Variants in DYNC2H1 observed in about 807,000 individuals in gnomAD.
The protein encoded by DYNC2H1 is cytoplasmic dynein 2 heavy chain 1.
Under a neutral mutation model 570.0 loss-of-function variants are expected in DYNC2H1, and 410 were observed. The observed-to-expected ratio is 0.72, with a 90% confidence interval of 0.66 to 0.78. The LOEUF is 0.78. Among genes scored for constraint, DYNC2H1 ranks in the 30% least tolerant of loss-of-function variants. The pLI is 0.00. For missense variants in DYNC2H1, 4,865 were observed against 5,046.4 expected (o/e 0.96, Z 1.09); for synonymous variants, 1,688 against 1,677.6 (o/e 1.01, Z -0.15).
At chr11:103,173,632 T>C (rs1336675522) in intron 35 of DYNC2H1, among the ~76,000 whole-genome samples, 1 of 152,136 alleles carries the variant, frequency 6.6e-6, no homozygotes, top group Non-Finnish European at 1.5e-5. Context: ...GAAAGAATCC[T>C]TCACAATTTT....
chr11:103,150,966 C>T (rs1860503693), intron 20 of DYNC2H1, among the ~76,000 whole-genome samples: 1 of 152,170 alleles, frequency 6.6e-6, no homozygotes, highest in Non-Finnish European at 1.5e-5. Context: ...ATCTCATATT[C>T]TGTGGGCACT....
At chr11:103,200,357 TTG>T (rs1480679801) in intron 50 of DYNC2H1, among the ~76,000 whole-genome samples, 11 of 152,168 alleles carry the variant, frequency 7.2e-5, no homozygotes, top group African/African-American at 2.7e-4. Context: ...CATATAAAAA[TTG>T]TTAATATTGA....
chr11:103,271,636 T>C (rs1454241795), intron 70 of DYNC2H1, among the ~76,000 whole-genome samples: 1 of 152,232 alleles, frequency 6.6e-6, no homozygotes, highest in Non-Finnish European at 1.5e-5. Flanking sequence ...AGTATATCAG[T>C]TTACTGTATA....
At chr11:103,123,827 CTTT>C (rs35580299) in intron 11 of DYNC2H1, among the ~76,000 whole-genome samples, 1 of 148,532 alleles carries the variant, frequency 6.7e-6, no homozygotes. Context: ...TCCTCCTGCC[CTTT>C]TTTTTTTTAG....
At chr11:103,262,179 C>A (rs1364928517) in intron 70 of DYNC2H1, among the ~76,000 whole-genome samples, 2 of 152,128 alleles carry the variant, frequency 1.3e-5, no homozygotes, top group Non-Finnish European at 2.9e-5. Flanking sequence ...CAAACAAAGC[C>A]TCCAAGAATT....
chr11:103,179,206 T>C lies in DYNC2H1; in HGVS notation c.6320T>C (p.Ile2107Thr). ...TTAAGTTGTGCATCACCAGCCACAA[T>C]ATCTAGAATGGGAATGATCTTTCTT... Reference protein sequence around the residue: ...HDLSCASPATISRMGMIFLSD... With the variant: ...HDLSCASPATTSRMGMIFLSD... Residue 2107 changes from isoleucine (I) to threonine (T), a missense_variant, in exon 39 of 89, where the codon ATA (isoleucine) becomes ACA (threonine). Ile to Thr is a moderately conservative substitution (Grantham distance 89). Around this residue, in one of 5 missense-constraint regions of DYNC2H1, gnomAD observed 231 missense variants for 310.3 expected, o/e 0.74. Transcript: ENST00000375735. 1 of 1,612,996 alleles carries C rather than the reference T, an allele frequency of 6.2e-7. No individual in the cohort carries two copies. Among genetic ancestry groups the C allele is most frequent in the Non-Finnish European group, 8.5e-7 (1 of 1,179,182 alleles).
At chr11:103,408,944 T>C (rs1280687597) in intron 84 of DYNC2H1, among the ~76,000 whole-genome samples, 1 of 152,060 alleles carries the variant, frequency 6.6e-6, no homozygotes, top group East Asian at 1.9e-4. Context: ...TCATCTTGTT[T>C]ATATCCCGCC....
At chr11:103,255,372 A>C in intron 66 of DYNC2H1, 43 bp from the exon 67 acceptor site, 1 of 1,528,702 alleles carries the variant, frequency 6.5e-7, no homozygotes, top group Non-Finnish European at 8.8e-7. Flanking sequence ...GTTTTGTTTT[A>C]AGCCTTATTG....
At chr11:103,322,051 T>C (rs1464324891) in intron 81 of DYNC2H1, among the ~76,000 whole-genome samples, 2 of 152,302 alleles carry the variant, frequency 1.3e-5, no homozygotes, top group Non-Finnish European at 2.9e-5. Flanking sequence ...TTAAATATAT[T>C]ACTCTTACTG....
At chr11:103,230,836 C>G (rs977704400) in intron 59 of DYNC2H1, among the ~76,000 whole-genome samples, 2 of 152,058 alleles carry the variant, frequency 1.3e-5, no homozygotes, top group Non-Finnish European at 2.9e-5. Context: ...TACCACTGCA[C>G]TCTAGCCTGA....
intron 79 of DYNC2H1, among the ~76,000 whole-genome samples, chr11:103,315,942 A>C (rs187666034): frequency 6.6e-6 from 1 of 152,050 alleles, no homozygotes; most frequent in African/African-American, 2.4e-5. Flanking sequence ...AATATATTTT[A>C]ATTTGAACTT....
At chr11:103,427,991 AATAT>A (rs1016422744) in intron 84 of DYNC2H1, among the ~76,000 whole-genome samples, 1 of 151,394 alleles carries the variant, frequency 6.6e-6, no homozygotes, top group East Asian at 1.9e-4. Flanking sequence ...AGCATACGGA[AATAT>A]ATATATAAGT....
chr11:103,115,218 C>T lies in DYNC2H1; in HGVS notation c.544C>T (p.Gln182Ter). Residue 182 changes from glutamine to a stop codon, truncating the protein, a stop_gained, in exon 4 of 89, where the codon CAA (glutamine) becomes TAA (stop). Transcript: ENST00000375735. LOFTEE classifies it high-confidence loss of function. Reference sequence around the variant, plus strand: ...CGATGAGTTCCAGTTTTGGATAGAACAAGCTCACCGTGGAAATAAACAGAT... The same window carrying T: ...CGATGAGTTCCAGTTTTGGATAGAATAAGCTCACCGTGGAAATAAACAGAT... Reference protein sequence around the residue: ...PSDEFQFWIEQAHRGNKQISK... With the variant: ...PSDEFQFWIE 1 of 1,610,808 alleles carries T rather than the reference C, an allele frequency of 6.2e-7. No individual in the cohort carries two copies. Among genetic ancestry groups the T allele is most frequent in the South Asian group, 1.1e-5 (1 of 90,184 alleles).
chr11:103,255,452 TAGA>T lies in DYNC2H1; in HGVS notation c.10249_10251del (p.Glu3417del). 2.5e-6 allele frequency: 4 copies of T among 1,568,740 alleles called. No individual in the cohort carries two copies. The highest frequency in any genetic ancestry group is 3.5e-6 in the Non-Finnish European group (4 of 1,155,784). On this transcript the variant is annotated inframe_deletion, in exon 67 of 89. Transcript: ENST00000375735. ...ACCATTCAGCATGAGAAACCTGATT[TAGA>T]AGAACAGAAAACAAAACTATTACAA...
chr11:103,350,499 T>A (rs1189401998), intron 82 of DYNC2H1, among the ~76,000 whole-genome samples: 1 of 152,176 alleles, frequency 6.6e-6, no homozygotes. Flanking sequence ...TTAAAGGGAA[T>A]GGTTTTTAAC....
At position 103,245,191 on chromosome 11, in the gene DYNC2H1, G is replaced by T. The variant is rs1482558381; in HGVS notation, c.9919-60G>T. On this transcript the variant is annotated intron_variant, in intron 64 of 88. Coordinates refer to ENST00000375735, the MANE Select transcript of DYNC2H1 (RefSeq NM_001377.3). The surrounding 1 kb of genome is among the most constrained non-coding windows in gnomAD (Gnocchi z 4.5). The stretch of plus-strand genomic sequence containing the variant: ...AATTACTGTAGAAAATCAAAGAAAG[G>T]ATGTTTGTAAATATTAAAGTAATTA... 1 of 1,321,170 alleles carries T rather than the reference G, an allele frequency of 7.6e-7. No individual in the cohort carries two copies. The highest frequency in any genetic ancestry group is 2.6e-5 in the East Asian group (1 of 38,294). 81.8% of individuals were successfully genotyped at this position (1,321,170 alleles called of 1,614,324 possible).
At chr11:103,310,763 T>C (rs1867549163) in intron 78 of DYNC2H1, among the ~76,000 whole-genome samples, 2 of 147,142 alleles carry the variant, frequency 1.4e-5, no homozygotes, top group Admixed American at 1.4e-4. Flanking sequence ...TAATCTTGGC[T>C]CACTGCAACC....
intron 87 of DYNC2H1, among the ~76,000 whole-genome samples, chr11:103,467,866 T>C (rs1945244329): frequency 6.6e-6 from 1 of 152,162 alleles, no homozygotes; most frequent in Non-Finnish European, 1.5e-5. Context: ...TTGTTTATAT[T>C]TTGTACCAAG....
chr11:103,214,446 CT>C (rs200386358), intron 54 of DYNC2H1, among the ~76,000 whole-genome samples: 15 of 127,422 alleles, frequency 1.2e-4, no homozygotes, highest in East Asian at 9.6e-4. Context: ...ACTTCTTCTT[CT>C]TTTTTTTTTT....
Sources: gnomAD v4.1 joint callset for allele counts (sites outside exome capture counted in the v4.1 genomes callset) on GRCh38, gnomAD v4.1.1 for gene constraint, gnomAD v4.1.1 regional missense constraint, Gnocchi (gnomAD v3.1) non-coding constraint, MANE v1.5 for transcripts, NCBI Gene and HGNC (gene_info 2026-07-23, HGNC 2026-07-21) for gene names.